TMED3: variants seen among roughly 807,000 people sequenced by gnomAD.
The protein encoded by TMED3 is transmembrane p24 trafficking protein 3, also known as transmembrane emp24 domain-containing protein 3.
Under a neutral mutation model 15.0 loss-of-function variants are expected in TMED3, and 9 were observed. The observed-to-expected ratio is 0.60, with a 90% CI of 0.36 to 1.04. TMED3 has a LOEUF of 1.04. Ranked by LOEUF, TMED3 falls within the 50% of genes least tolerant of loss-of-function variation. The probability of loss-of-function intolerance (pLI) is 0.01; values close to 1 mark genes in which losing one functional copy is unlikely to be tolerated. For missense variants in TMED3, 267 were observed against 278.9 expected (o/e 0.96, Z 0.30); for synonymous variants, 117 against 121.4 (o/e 0.96, Z 0.24).
At chr15:79,328,177 G>C (rs1364811142) in intron 2 of TMED3, among the ~76,000 whole-genome samples, 1 of 152,150 alleles carries the variant, frequency 6.6e-6, no homozygotes, top group Non-Finnish European at 1.5e-5. Flanking sequence ...CATCGCAAAA[G>C]GAAAGAAGCA....
chr15:79,322,539 C>T lies in TMED3; in HGVS notation c.*325C>T. 3 of 1,158,356 alleles carry T rather than the reference C, an allele frequency of 2.6e-6. No homozygotes were observed. The highest frequency in any genetic ancestry group is 5.5e-5 in the South Asian group (2 of 36,038). 71.8% of individuals were successfully genotyped at this position (1,158,356 alleles called of 1,614,324 possible). A position where few individuals can be genotyped will look rare whatever the true frequency, so the allele number is the denominator to read the frequency against. ...TGGCAGGAACTCCAAGTGCCCAGGC[C>T]TCTTGGGCAGCTTAGGGCCCTGCCT... On this transcript the variant is annotated 3_prime_UTR_variant, in exon 3 of 3. Transcript: ENST00000299705.
chr15:79,365,908 G>A (rs141927726), intron 2 of TMED3, among the ~76,000 whole-genome samples: 1,568 of 152,264 alleles, frequency 0.01, 16 homozygotes, highest in African/African-American at 0.028. Context: ...GGTGGGGTCC[G>A]AGTTTCTGAA....
At chr15:79,394,755 CTCCAGTTTTA>C (rs1051704350) in intron 2 of TMED3, among the ~76,000 whole-genome samples, 4 of 152,180 alleles carry the variant, frequency 2.6e-5, no homozygotes, top group African/African-American at 7.2e-5. Context: ...GTTCTGACTA[CTCCAGTTTTA>C]TCCAGTTTTA....
At position 79,311,160 on chromosome 15, in the gene TMED3, T is replaced by C. The variant is rs1272381466; in HGVS notation, c.-90T>C. 4.3e-6 allele frequency: 6 copies of C among 1,405,498 alleles called. No individual in the cohort carries two copies. Among genetic ancestry groups the C allele is most frequent in the Non-Finnish European group, 5.7e-6 (6 of 1,061,236 alleles). The allele number at this position is 1,405,498 out of a possible 1,614,324, so 87.1% of individuals were successfully genotyped here. ...CTGGTGCCACGTCTATCCCCTTACA[T>C]CCTCCTAGGACCCGGTCGGTAGTCG... is the stretch of plus-strand genomic sequence containing the variant. On this transcript the variant is annotated 5_prime_UTR_variant, in exon 1 of 3. Transcript: ENST00000299705.
At chr15:79,400,029 C>G (rs962355068) in intron 2 of TMED3, among the ~76,000 whole-genome samples, 1 of 152,186 alleles carries the variant, frequency 6.6e-6, no homozygotes, top group Non-Finnish European at 1.5e-5. Context: ...TTCTATTGTA[C>G]CGGGGATAAA....
At chr15:79,369,750 T>C (rs1296686888) in intron 2 of TMED3, among the ~76,000 whole-genome samples, 1 of 152,372 alleles carries the variant, frequency 6.6e-6, no homozygotes, top group East Asian at 1.9e-4. Context: ...TGGGTATTGA[T>C]GTTCTGTGAA....
intron 1 of TMED3, among the ~76,000 whole-genome samples, chr15:79,313,041 A>G (rs2141211531): frequency 6.6e-6 from 1 of 152,320 alleles, no homozygotes; most frequent in African/African-American, 2.4e-5. Context: ...TATGTTGGAC[A>G]CCGTGCTAAA....
At position 79,322,009 on chromosome 15, in the gene TMED3, C is replaced by T. The variant is rs758651617; in HGVS notation, c.449C>T (p.Ala150Val). ...TCCGCCTGCGTGACCATCCATGAGG[C>T]TCTGAAAACGGTGATTGACTCCCAG... ...MESACVTIHE[A>V]LKTVIDSQTH... The change falls in exon 3 of 3, where the codon GCT (alanine) becomes GTT (valine). Residue 150 changes from alanine to valine, a missense_variant. Physicochemically the swap from Ala to Val is moderately conservative, Grantham distance 64. Coordinates refer to ENST00000299705, the MANE Select transcript of TMED3 (RefSeq NM_007364.4). 1.5e-5 allele frequency: 24 copies of T among 1,614,214 alleles called. No individual in the cohort carries two copies. In the South Asian group the frequency reaches 2.3e-4, roughly 16 times the overall value.
At chr15:79,398,501 C>G (rs530899160) in intron 2 of TMED3, among the ~76,000 whole-genome samples, 1 of 152,188 alleles carries the variant, frequency 6.6e-6, no homozygotes, top group African/African-American at 2.4e-5. Context: ...GCCTTAGAGC[C>G]AGAGAGACCG....
chr15:79,396,326 C>T (rs188341523), intron 2 of TMED3, among the ~76,000 whole-genome samples: 44 of 152,282 alleles, frequency 2.9e-4, no homozygotes, highest in Admixed American at 1.7e-3. Flanking sequence ...AAAGGGCACA[C>T]GGAGAGTAAC....
intron 2 of TMED3, among the ~76,000 whole-genome samples, chr15:79,362,489 A>G (rs1893151630): frequency 6.6e-6 from 1 of 152,044 alleles, no homozygotes; most frequent in Non-Finnish European, 1.5e-5. Context: ...TGTCTCTAAA[A>G]AAAGTTTAAA....
At chr15:79,357,787 G>C (rs1485938883) in intron 2 of TMED3, among the ~76,000 whole-genome samples, 3 of 152,136 alleles carry the variant, frequency 2.0e-5, no homozygotes, top group Non-Finnish European at 4.4e-5. Context: ...CTTCTTAGTA[G>C]TTGCAAAGGA....
At chr15:79,353,161 A>ACAT (rs1172497841) in intron 2 of TMED3, among the ~76,000 whole-genome samples, 15,280 of 63,080 alleles carry the variant, frequency 0.24, 2,333 homozygotes, top group African/African-American at 0.28. Flanking sequence ...AAATATATAT[A>ACAT]AATATATATA....
intron 2 of TMED3, among the ~76,000 whole-genome samples, chr15:79,361,400 A>T (rs546762343): frequency 1.8e-3 from 272 of 152,362 alleles, no homozygotes; most frequent in African/African-American, 6.3e-3. Flanking sequence ...ACGATGGAAC[A>T]CTACTCAGCC....
intron 2 of TMED3, among the ~76,000 whole-genome samples, chr15:79,328,605 T>G (rs1361054092): frequency 2.6e-5 from 4 of 152,150 alleles, no homozygotes; most frequent in African/African-American, 9.7e-5. Flanking sequence ...GTGTATGTGT[T>G]GGATGGGGTT....
intron 2 of TMED3, among the ~76,000 whole-genome samples, chr15:79,371,529 A>C (rs1391311452): frequency 6.6e-6 from 1 of 152,246 alleles, no homozygotes; most frequent in Non-Finnish European, 1.5e-5. Flanking sequence ...GAAATTTCTC[A>C]AATCTGACTC....
intron 2 of TMED3, among the ~76,000 whole-genome samples, chr15:79,340,046 C>G (rs1809916210): frequency 6.6e-6 from 1 of 152,268 alleles, no homozygotes; most frequent in African/African-American, 2.4e-5. Flanking sequence ...AGACTAAACC[C>G]TCCAAAGCCA....
intron 2 of TMED3, among the ~76,000 whole-genome samples, chr15:79,330,754 G>T (rs2058805303): frequency 6.6e-6 from 1 of 152,096 alleles, no homozygotes; most frequent in African/African-American, 2.4e-5. Flanking sequence ...ACAAAGCCTG[G>T]AGGTATCACA....
chr15:79,404,467 C>A (rs771186215), intron 2 of TMED3, among the ~76,000 whole-genome samples: 1 of 152,224 alleles, frequency 6.6e-6, no homozygotes, highest in Non-Finnish European at 1.5e-5. Context: ...TGCCCAAGCA[C>A]CGAAATATCT....
Sources: allele counts gnomAD v4.1 joint callset (sites outside exome capture counted in the v4.1 genomes callset), GRCh38; gene constraint gnomAD v4.1.1; transcripts MANE v1.5; gene names NCBI Gene and HGNC (gene_info 2026-07-23, HGNC 2026-07-21).